STARD9: variants seen among roughly 807,000 people sequenced by gnomAD.
The protein encoded by STARD9 is StAR related lipid transfer domain containing 9.
A neutral mutation model predicts 399.8 loss-of-function variants in STARD9; 346 were observed. That is an observed-to-expected ratio of 0.87 (90% confidence interval 0.79 to 0.95). The LOEUF is 0.95. Ranked by LOEUF, STARD9 falls within the 40% of genes least tolerant of loss-of-function variation. The pLI, the probability that STARD9 is intolerant of heterozygous loss-of-function variation, is 0.00. For missense variants in STARD9, 5,832 were observed against 5,667.5 expected (o/e 1.03, Z -0.93); for synonymous variants, 2,203 against 2,143.5 (o/e 1.03, Z -0.77).
At position 42,687,143 on chromosome 15, in the gene STARD9, A is replaced by T; in HGVS notation, c.5565A>T (p.Arg1855Ser). 3 of 1,537,322 alleles carry T rather than the reference A, an allele frequency of 2.0e-6. No individual in the cohort carries two copies. Among genetic ancestry groups the T allele is most frequent in the Non-Finnish European group, 2.6e-6 (3 of 1,146,912 alleles). The change falls in exon 23 of 33, where the codon AGA becomes AGT. Residue 1855 changes from arginine (R) to serine (S), a missense_variant. Arg to Ser is a moderately radical substitution (Grantham distance 110). Transcript: ENST00000290607. ...TTTATTCTTCTGTTACTCAGAACAGACATTTTCTCCCCTCTACCAGCACAA... is the reference window on the plus strand; with the variant it reads ...TTTATTCTTCTGTTACTCAGAACAGTCATTTTCTCCCCTCTACCAGCACAA... ...DSVYSSVTQN[R>S]HFLPSTSTKV...
chr15:42,591,794 G>A (rs1200545243), intron 3 of STARD9, among the ~76,000 whole-genome samples: 1 of 152,234 alleles, frequency 6.6e-6, no homozygotes, highest in Non-Finnish European at 1.5e-5. Flanking sequence ...TAGAGGACAA[G>A]TCAGCTACTG....
At chr15:42,622,164 A>G (rs1468176188) in intron 3 of STARD9, among the ~76,000 whole-genome samples, 2 of 152,088 alleles carry the variant, frequency 1.3e-5, no homozygotes, top group Non-Finnish European at 2.9e-5. Context: ...CTGTAGTCCT[A>G]GCTACTTGGA....
intron 26 of STARD9, among the ~76,000 whole-genome samples, chr15:42,711,436 C>T (rs924043819): frequency 6.6e-6 from 1 of 152,172 alleles, no homozygotes; most frequent in African/African-American, 2.4e-5. Context: ...CCACTGCACC[C>T]AGCTCCACAT....
intron 3 of STARD9, among the ~76,000 whole-genome samples, chr15:42,614,032 G>T (rs1044678685): frequency 1.3e-5 from 2 of 152,074 alleles, no homozygotes; most frequent in African/African-American, 4.8e-5. Context: ...AGTGTATCAG[G>T]CTGGGCACGG....
intron 3 of STARD9, among the ~76,000 whole-genome samples, chr15:42,597,990 G>GTATA (rs777829762): frequency 2.3e-5 from 3 of 129,328 alleles, no homozygotes; most frequent in Admixed American, 8.0e-5. Context: ...GTGTGTGTTT[G>GTATA]TATATATATA....
Position 42,685,091 on chromosome 15 carries a change from C to T in STARD9, c.3513C>T (p.Asn1171=), listed in dbSNP as rs1224718415. 3.3e-6 allele frequency: 5 copies of T among 1,537,234 alleles called. No individual in the cohort carries two copies. The African/African-American group carries it at 4.1e-5, about 13-fold the overall frequency. Reference sequence around the variant, plus strand: ...TAGGGGGCAATCGTCCCACCAACAACCGTGGCCAACCCAGGACCAGAACTA... The same window carrying T: ...TAGGGGGCAATCGTCCCACCAACAATCGTGGCCAACCCAGGACCAGAACTA... The part of the protein sequence containing the change: ...NRLGGNRPTN[N]RGQPRTRTRA... Residue 1171 remains asparagine, a synonymous_variant, in exon 23 of 33, where the codon AAC becomes AAT. Coordinates refer to ENST00000290607, the MANE Select transcript of STARD9 (RefSeq NM_020759.3).
rs779919156 is a variant in STARD9, at chr15:42,688,503, A to C, written c.6925A>C (p.Arg2309=). 12 of 1,537,814 alleles carry C rather than the reference A, an allele frequency of 7.8e-6. No homozygotes were observed. In the Admixed American group the frequency reaches 1.6e-4, roughly 20 times the overall value. Residue 2309 remains arginine, a synonymous_variant, in exon 23 of 33, where the codon AGG becomes CGG. Transcript: ENST00000290607. ...CCAGCTTTGTAGGGACACGTTTTTC[A>C]GGCAGGAAACTGTCAGCCCATTACT... The part of the protein sequence containing the change: ...LSQLCRDTFF[R]QETVSPLLSR...
intron 26 of STARD9, among the ~76,000 whole-genome samples, chr15:42,713,661 G>A (rs1319423410): frequency 6.6e-6 from 1 of 152,062 alleles, no homozygotes; most frequent in Non-Finnish European, 1.5e-5. Context: ...ATCTTACTGG[G>A]TCTTTTCTTT....
At chr15:42,588,905 CCTG>C (rs1172716280) in intron 3 of STARD9, among the ~76,000 whole-genome samples, 1 of 147,792 alleles carries the variant, frequency 6.8e-6, no homozygotes. Context: ...ACCTCCGCCT[CCTG>C]GGTTCCAGCG....
At chr15:42,623,429 TATG>T (rs1206587115) in intron 3 of STARD9, among the ~76,000 whole-genome samples, 3 of 152,208 alleles carry the variant, frequency 2.0e-5, no homozygotes, top group East Asian at 1.9e-4. Flanking sequence ...TCTCCAACTA[TATG>T]ATAAGTTTGT....
chr15:42,717,981 C>T lies in STARD9; in HGVS notation c.13564C>T (p.Gln4522Ter). The change falls in exon 30 of 33, where the codon CAG becomes TAG. Residue 4522 changes from glutamine (Q) to a stop codon, truncating the protein, a stop_gained. Coordinates refer to ENST00000290607, the MANE Select transcript of STARD9 (RefSeq NM_020759.3). LOFTEE classifies it high-confidence loss of function. ...GTGCTTGGTGTCTCCCCCCAGCTAT[C>T]AGGGTGAGGAGCAGGCGGTGCAGCT... ...SCQATAGWNY[Q>*]GEEQAVQLYY... is the part of the protein sequence containing the mutation. The T allele has an allele frequency of 1.3e-6, 2 of 1,537,160 alleles. No homozygotes were observed. Among genetic ancestry groups the T allele is most frequent in the Non-Finnish European group, 1.7e-6 (2 of 1,146,850 alleles).
chr15:42,692,510 C>A lies in STARD9; in HGVS notation c.10932C>A (p.Thr3644=), dbSNP rs1007134963. The A allele has an allele frequency of 2.2e-4, 331 of 1,537,050 alleles. No homozygotes were observed. The highest frequency in any genetic ancestry group is 9.4e-4 in the Admixed American group (48 of 50,988). The change falls in exon 23 of 33, where the codon ACC becomes ACA. Residue 3644 remains threonine (T), a synonymous_variant. Transcript: ENST00000290607. ...RTNTFEQGTQ[T]LGSRRHWSST... ...ACACATTCGAACAGGGCACACAGAC[C>A]CTCGGCAGCAGGCGCCACTGGAGCA...
intron 24 of STARD9, 68 bp downstream of exon 24, chr15:42,694,793 C>A (rs2060804537): frequency 8.3e-6 from 11 of 1,325,814 alleles, no homozygotes; most frequent in Middle Eastern, 1.9e-4. Context: ...GGAGCAGGAG[C>A]TGAAGTTTTA....
intron 20 of STARD9, among the ~76,000 whole-genome samples, chr15:42,681,109 GC>G (rs1340442000): frequency 1.3e-5 from 2 of 152,148 alleles, no homozygotes; most frequent in African/African-American, 4.8e-5. Flanking sequence ...TCTGAATTTA[GC>G]TAAAATGTTT....
chr15:42,694,310 T>C lies in STARD9; in HGVS notation c.12732T>C (p.Pro4244=), dbSNP rs1317688813. ...GTGEALAADE[P]VTSTWKELYA... Reference sequence around the variant, plus strand: ...GGGAGGCGCTTGCTGCTGATGAACCTGTGACATCCACCTGGAAGGAGCTCT... The same window carrying C: ...GGGAGGCGCTTGCTGCTGATGAACCCGTGACATCCACCTGGAAGGAGCTCT... The change falls in exon 23 of 33, where the codon CCT becomes CCC. Residue 4244 remains proline, a synonymous_variant. Transcript: ENST00000290607. 1.3e-6 allele frequency: 2 copies of C among 1,518,758 alleles called. No individual in the cohort carries two copies. Among genetic ancestry groups the C allele is most frequent in the Non-Finnish European group, 1.8e-6 (2 of 1,136,654 alleles). The allele number at this position is 1,518,758 out of a possible 1,614,324, so 94.1% of individuals were successfully genotyped here.
chr15:42,640,592 C>T (rs556120932), intron 7 of STARD9, among the ~76,000 whole-genome samples: 6 of 152,014 alleles, frequency 3.9e-5, no homozygotes, highest in South Asian at 2.1e-4. Flanking sequence ...GAGGCTGAGG[C>T]GGGCAGAACA....
chr15:42,588,045 G>A (rs922286580), intron 3 of STARD9, among the ~76,000 whole-genome samples: 1 of 152,194 alleles, frequency 6.6e-6, no homozygotes, highest in Non-Finnish European at 1.5e-5. Flanking sequence ...GAAGACAGTG[G>A]CCTTTCTGTT....
Position 42,690,770 on chromosome 15 carries a change from C to T in STARD9, c.9192C>T (p.Asp3064=), listed in dbSNP as rs905471495. Residue 3064 remains aspartate, a synonymous_variant, in exon 23 of 33, where the codon GAC becomes GAT. Transcript: ENST00000290607. The stretch of plus-strand genomic sequence containing the variant: ...GCTGCAGATCCCCTTCTGCTCCTGA[C>T]GTGAGGACAGGTTCCTTCAGCCACT... The part of the protein sequence containing the change: ...AQGCRSPSAP[D]VRTGSFSHSA... 1.6e-5 allele frequency: 24 copies of T among 1,537,262 alleles called. No individual in the cohort carries two copies. In the Admixed American group the frequency reaches 2.5e-4, roughly 16 times the overall value.
chr15:42,716,479 G>C (rs1595834232), intron 26 of STARD9, among the ~76,000 whole-genome samples, 198 bp from the exon 27 acceptor site: 1 of 152,168 alleles, frequency 6.6e-6, no homozygotes. Flanking sequence ...TGGCTTAGAG[G>C]GGGAGCAGAG....
Sources: gnomAD v4.1 joint callset for allele counts (sites outside exome capture counted in the v4.1 genomes callset) on GRCh38, gnomAD v4.1.1 for gene constraint, MANE v1.5 for transcripts, NCBI Gene and HGNC (gene_info 2026-07-23, HGNC 2026-07-21) for gene names.